PCP4: variants seen among roughly 807,000 people sequenced by gnomAD.
PCP4 encodes Purkinje cell protein 4.
A neutral mutation model predicts 10.0 loss-of-function variants in PCP4; 8 were observed. The observed-to-expected ratio is 0.80, with a 90% CI of 0.47 to 1.45. PCP4 has a LOEUF of 1.45. Among genes scored for constraint, PCP4 ranks in the 40% most tolerant of loss-of-function variants. The pLI, the probability that PCP4 is intolerant of heterozygous loss-of-function variation, is 0.00. For missense variants in PCP4, 54 were observed against 74.4 expected, an observed-to-expected ratio of 0.73 and a Z score of 1.01; for synonymous variants, 21 against 23.0, an observed-to-expected ratio of 0.91 and a Z score of 0.24.
intron 2 of PCP4, among the ~76,000 whole-genome samples, chr21:39,920,237 TTGTG>T (rs1220555613): frequency 1.4e-5 from 2 of 141,720 alleles, no homozygotes; most frequent in African/African-American, 5.3e-5. Flanking sequence ...TGTGGTGTGT[TTGTG>T]TGATATGTGT....
intron 1 of PCP4, among the ~76,000 whole-genome samples, chr21:39,886,945 CA>C (rs2146331125): frequency 6.6e-6 from 1 of 152,074 alleles, no homozygotes; most frequent in African/African-American, 2.4e-5. Flanking sequence ...ATTTATGTTC[CA>C]AAAATTTCAC....
chr21:39,892,854 C>A (rs775486587), intron 1 of PCP4, among the ~76,000 whole-genome samples: 1 of 151,860 alleles, frequency 6.6e-6, no homozygotes, highest in Non-Finnish European at 1.5e-5. Flanking sequence ...CCTATTCAGC[C>A]GTAAAAAAGA....
chr21:39,891,039 T>C (rs1486838320), intron 1 of PCP4, among the ~76,000 whole-genome samples: 1 of 152,206 alleles, frequency 6.6e-6, no homozygotes. Flanking sequence ...TGTTCAGACA[T>C]ATCTTTATGT....
intron 1 of PCP4, among the ~76,000 whole-genome samples, chr21:39,883,020 G>A (rs555207033): frequency 1.3e-5 from 2 of 152,206 alleles, no homozygotes; most frequent in Non-Finnish European, 2.9e-5. Context: ...CACAGCAGCT[G>A]CTCTAGCTAG....
At chr21:39,892,270 G>A (rs527559522) in intron 1 of PCP4, among the ~76,000 whole-genome samples, 31 of 152,332 alleles carry the variant, frequency 2.0e-4, no homozygotes, top group African/African-American at 6.7e-4. Flanking sequence ...GCAACAAAGA[G>A]TAATATTAAA....
intron 2 of PCP4, among the ~76,000 whole-genome samples, chr21:39,902,398 C>A (rs16998864): frequency 0.14 from 21,066 of 152,108 alleles, 1,662 homozygotes; most frequent in Middle Eastern, 0.23. Context: ...TCACAAAAGA[C>A]CCAAGTCAGG....
intron 2 of PCP4, among the ~76,000 whole-genome samples, chr21:39,902,595 T>G (rs2087486600): frequency 6.6e-6 from 1 of 152,224 alleles, no homozygotes. Flanking sequence ...CTCTCCAGAA[T>G]GTTTCAAAAT....
chr21:39,893,837 G>T (rs1325766878), intron 1 of PCP4, among the ~76,000 whole-genome samples: 1 of 152,222 alleles, frequency 6.6e-6, no homozygotes, highest in African/African-American at 2.4e-5. Flanking sequence ...GGTCTCTGGA[G>T]ATAAAAATAG....
Position 39,916,360 on chromosome 21 carries a change from C to T in PCP4, c.62-12624C>T, listed in dbSNP as rs570169081. ...TAATATTTCTCTCCTCCCCTGGCCC[C>T]AGTCTAACTGGTTATGGCTATAGGA... On this transcript the variant is annotated intron_variant, in intron 2 of 2. Coordinates refer to ENST00000328619, the MANE Select transcript of PCP4 (RefSeq NM_006198.3). 2.0e-5 allele frequency among the ~76,000 whole-genome samples: 3 copies of T among 152,322 alleles called. No individual in the cohort carries two copies. In the South Asian group the frequency reaches 6.2e-4, roughly 32 times the overall value.
chr21:39,867,605 G>A, intron 1 of PCP4, 95 bp downstream of exon 1: 1 of 1,127,316 alleles, frequency 8.9e-7, no homozygotes, highest in Non-Finnish European at 1.4e-6. Flanking sequence ...ACTTAGCAGT[G>A]CTGAGGAACA....
At chr21:39,890,840 T>C (rs770088806) in intron 1 of PCP4, among the ~76,000 whole-genome samples, 4 of 152,198 alleles carry the variant, frequency 2.6e-5, no homozygotes, top group Admixed American at 6.5e-5. Context: ...TCAAGAACAC[T>C]GTGATTTTGT....
At chr21:39,913,841 A>T (rs1341839131) in intron 2 of PCP4, among the ~76,000 whole-genome samples, 1 of 152,220 alleles carries the variant, frequency 6.6e-6, no homozygotes, top group Non-Finnish European at 1.5e-5. Flanking sequence ...TGCATTTAAG[A>T]AGGCTTGTAA....
chr21:39,905,937 A>C (rs926868900), intron 2 of PCP4, among the ~76,000 whole-genome samples: 9 of 152,086 alleles, frequency 5.9e-5, no homozygotes, highest in East Asian at 1.9e-4. Flanking sequence ...GTAGTCCCAG[A>C]TACTCAGGAG....
rs2087597268 is a variant in PCP4 at position 39,921,662 on chromosome 21, G to T, written c.62-7322G>T. On this transcript the variant is annotated intron_variant, in intron 2 of 2. Coordinates refer to ENST00000328619, the MANE Select transcript of PCP4 (RefSeq NM_006198.3). ...AACTACATTTGGAGATGGTTAAAGAGATGGTTAATTGATTAATGTTAAATT... is the reference window on the plus strand; with the variant it reads ...AACTACATTTGGAGATGGTTAAAGATATGGTTAATTGATTAATGTTAAATT... Among the ~76,000 whole-genome samples, 2 of 152,174 alleles carry T rather than the reference G, an allele frequency of 1.3e-5. 1 individual carries two copies. The highest frequency in any genetic ancestry group is 4.1e-4 in the South Asian group (2 of 4,836).
In PCP4 at chr21:39,888,150, C is replaced by T. The variant is rs139784638; in HGVS notation, c.10-10326C>T. On this transcript the variant is annotated intron_variant, in intron 1 of 2. Coordinates refer to ENST00000328619, the MANE Select transcript of PCP4 (RefSeq NM_006198.3). Reference sequence around the variant, plus strand: ...CAGCACTGTGGAGAAAAATAACTTACGAGAAGACACAGCACCGGGGGATAG... The same window carrying T: ...CAGCACTGTGGAGAAAAATAACTTATGAGAAGACACAGCACCGGGGGATAG... 5.9e-3 allele frequency among the ~76,000 whole-genome samples: 905 copies of T among 152,260 alleles called. 4 individuals are homozygous for T. The highest frequency in any genetic ancestry group is 8.1e-3 in the Admixed American group (124 of 15,292).
chr21:39,886,379 C>CTAAA (rs2087400652), intron 1 of PCP4, among the ~76,000 whole-genome samples: 1 of 152,174 alleles, frequency 6.6e-6, no homozygotes, highest in South Asian at 2.1e-4. Context: ...TACAAATCTA[C>CTAAA]TAAATACACT....
intron 1 of PCP4, among the ~76,000 whole-genome samples, chr21:39,888,557 G>A (rs2087412682): frequency 6.6e-6 from 1 of 152,176 alleles, no homozygotes; most frequent in African/African-American, 2.4e-5. Context: ...CGCAGCTGGT[G>A]GGGACAGTCA....
chr21:39,891,772 C>T (rs573237732), intron 1 of PCP4, among the ~76,000 whole-genome samples: 9 of 152,266 alleles, frequency 5.9e-5, no homozygotes, highest in African/African-American at 1.7e-4. Flanking sequence ...TTTAGGTAGC[C>T]GAAGCAGAGA....
chr21:39,911,420 C>G (rs530753727), intron 2 of PCP4, among the ~76,000 whole-genome samples: 1 of 152,148 alleles, frequency 6.6e-6, no homozygotes, highest in Non-Finnish European at 1.5e-5. Flanking sequence ...TGACTGGCCT[C>G]GAGGTGAGCA....
Sources: allele counts gnomAD v4.1 joint callset (sites outside exome capture counted in the v4.1 genomes callset), GRCh38; gene constraint gnomAD v4.1.1; transcripts MANE v1.5; gene names NCBI Gene and HGNC (gene_info 2026-07-23, HGNC 2026-07-21).